The following VGLL4 variants were observed in gnomAD, a reference collection of about 807,000 sequenced individuals.
VGLL4 encodes the protein vestigial like family member 4.
VGLL4 carries 7 observed loss-of-function variants against 21.0 expected under a neutral mutation model. The observed-to-expected ratio is 0.33, with a 90% CI of 0.19 to 0.63. The LOEUF is 0.63. VGLL4 is among the 20% of genes least tolerant of loss of function. The pLI is 0.78. For synonymous variants in VGLL4, 222 were observed against 173.2 expected, an observed-to-expected ratio of 1.28 and a Z score of -2.21; for missense variants, 394 against 425.7, an observed-to-expected ratio of 0.93 and a Z score of 0.66.
At chr3:11,639,215 C>A (rs533864334) in intron 1 of VGLL4, among the ~76,000 whole-genome samples, 1 of 152,246 alleles carries the variant, frequency 6.6e-6, no homozygotes, top group Non-Finnish European at 1.5e-5. Context: ...AGTGCAGCGA[C>A]AGCGATCTTG....
chr3:11,641,873 A>C (rs1475363204), intron 1 of VGLL4, among the ~76,000 whole-genome samples: 1 of 152,212 alleles, frequency 6.6e-6, no homozygotes, highest in Non-Finnish European at 1.5e-5. Flanking sequence ...AGGAAAAACT[A>C]ATCTGGTATC....
At chr3:11,591,508 C>G (rs1004329624) in intron 2 of VGLL4, among the ~76,000 whole-genome samples, 1 of 152,226 alleles carries the variant, frequency 6.6e-6, no homozygotes, top group Non-Finnish European at 1.5e-5. Flanking sequence ...TGCGAAGACT[C>G]TTAAGGCAGA....
At chr3:11,590,867 G>A (rs1187491897) in intron 2 of VGLL4, among the ~76,000 whole-genome samples, 1 of 152,168 alleles carries the variant, frequency 6.6e-6, no homozygotes, top group Non-Finnish European at 1.5e-5. Context: ...CAAGAAATTA[G>A]AGGAAAATAA....
chr3:11,686,245 C>CATTATT (rs2125387109), intron 2 of VGLL4, among the ~76,000 whole-genome samples: 1 of 152,286 alleles, frequency 6.6e-6, no homozygotes, highest in East Asian at 1.9e-4. Context: ...TTCATAGCAG[C>CATTATT]ATTATTCACT....
intron 1 of VGLL4, among the ~76,000 whole-genome samples, chr3:11,613,735 A>G (rs1276751298): frequency 1.3e-5 from 2 of 152,342 alleles, no homozygotes; most frequent in East Asian, 3.9e-4. Context: ...ATCAATGAGA[A>G]TTCATATAAA....
chr3:11,695,056 T>TC, intron 2 of VGLL4, among the ~76,000 whole-genome samples: 1 of 151,456 alleles, frequency 6.6e-6, no homozygotes, highest in South Asian at 2.1e-4. Context: ...CTCATTCTTT[T>TC]TTTTTTTTTT....
intron 2 of VGLL4, among the ~76,000 whole-genome samples, chr3:11,670,117 CAAAA>C (rs370254388): frequency 7.6e-6 from 1 of 131,818 alleles, no homozygotes; most frequent in African/African-American, 2.8e-5. Context: ...GTTTCTAAAA[CAAAA>C]AAAAAAAAAG....
rs370705798 is a variant in VGLL4, at chr3:11,643,417, T to C, written c.82+20A>G. ...GGCCGGGACGAGCAACGGGCAGTAATTCTACAACGGGACATCTACCTTCGT... is the reference window on the plus strand; with the variant it reads ...GGCCGGGACGAGCAACGGGCAGTAACTCTACAACGGGACATCTACCTTCGT... On this transcript the variant is annotated intron_variant, in intron 1 of 4. Coordinates refer to ENST00000430365, the MANE Select transcript of VGLL4 (RefSeq NM_001128219.3). 1.5e-5 allele frequency: 24 copies of C among 1,613,852 alleles called. No homozygotes were observed. The highest frequency in any genetic ancestry group is 1.8e-5 in the Non-Finnish European group (21 of 1,179,872).
At chr3:11,643,994 A>AG, upstream of VGLL4, 1 of 990,452 alleles carries the variant, frequency 1.0e-6, no homozygotes, top group Non-Finnish European at 1.2e-6. Flanking sequence ...CTGCCGAGGC[A>AG]GGGAGGGCTT....
intron 2 of VGLL4, among the ~76,000 whole-genome samples, chr3:11,698,066 G>C (rs2076629028): frequency 2.0e-5 from 3 of 152,196 alleles, no homozygotes; most frequent in African/African-American, 7.2e-5. Flanking sequence ...CTTAAAATTA[G>C]AAGATATGGT....
chr3:11,602,676 T>C (rs553408484), intron 1 of VGLL4, among the ~76,000 whole-genome samples: 21 of 152,168 alleles, frequency 1.4e-4, no homozygotes, highest in Non-Finnish European at 2.6e-4. Flanking sequence ...CGTGGGTAGG[T>C]GCAGTTCTGA....
chr3:11,713,163 G>A (rs759086774), intron 1 of VGLL4, among the ~76,000 whole-genome samples: 12 of 152,144 alleles, frequency 7.9e-5, no homozygotes, highest in African/African-American at 2.2e-4. Flanking sequence ...AAGCTCCAAC[G>A]GCTAACTGTT....
At position 11,559,320 on chromosome 3, in the gene VGLL4, C is replaced by T. The variant is rs1233576569; in HGVS notation, c.619+12G>A. 9.2e-6 allele frequency: 14 copies of T among 1,528,738 alleles called. No homozygotes were observed. The highest frequency in any genetic ancestry group is 1.8e-4 in the Middle Eastern group (1 of 5,690). 94.7% of individuals were successfully genotyped at this position (1,528,738 alleles called of 1,614,324 possible). A position where few individuals can be genotyped will look rare whatever the true frequency, so the allele number is the denominator to read the frequency against. On this transcript the variant is annotated intron_variant, in intron 4 of 4. Transcript: ENST00000430365. ...CACAGCTGTGACAGGTGAGGAGGCC[C>T]GGGACACTCACCGCTCGGTGGCCTC...
chr3:11,672,514 G>A (rs1384068845), intron 2 of VGLL4, among the ~76,000 whole-genome samples: 4 of 152,134 alleles, frequency 2.6e-5, no homozygotes, highest in African/African-American at 7.2e-5. Flanking sequence ...TTCCAGCACA[G>A]ATGCAGCTTT....
chr3:11,573,744 G>A (rs953179582), intron 2 of VGLL4, among the ~76,000 whole-genome samples: 1 of 152,186 alleles, frequency 6.6e-6, no homozygotes, highest in African/African-American at 2.4e-5. Flanking sequence ...ACTTTATGCT[G>A]TGAACTGCCT....
chr3:11,562,834 T>A (rs2073148512), intron 3 of VGLL4, among the ~76,000 whole-genome samples: 2 of 152,254 alleles, frequency 1.3e-5, no homozygotes, highest in African/African-American at 4.8e-5. Context: ...CCTGGCTTTG[T>A]CCTCAGTCCA....
At chr3:11,580,020 A>AT (rs998265806) in intron 2 of VGLL4, among the ~76,000 whole-genome samples, 8 of 151,896 alleles carry the variant, frequency 5.3e-5, no homozygotes, top group Admixed American at 1.3e-4. Context: ...AGTTTTTCAT[A>AT]TTTTTTTTAC....
At chr3:11,702,106 T>A (rs1296967726) in intron 2 of VGLL4, among the ~76,000 whole-genome samples, 2 of 152,144 alleles carry the variant, frequency 1.3e-5, no homozygotes, top group African/African-American at 4.8e-5. Flanking sequence ...TTATGACACA[T>A]ACTGTACATT....
At chr3:11,666,625 G>A (rs1007825351) in intron 2 of VGLL4, among the ~76,000 whole-genome samples, 1 of 152,166 alleles carries the variant, frequency 6.6e-6, no homozygotes, top group African/African-American at 2.4e-5. Context: ...AAACAGAATC[G>A]AGGATGACTG....
Sources: gnomAD v4.1 joint callset for allele counts (sites outside exome capture counted in the v4.1 genomes callset) on GRCh38, gnomAD v4.1.1 for gene constraint, MANE v1.5 for transcripts, NCBI Gene and HGNC (gene_info 2026-07-23, HGNC 2026-07-21) for gene names.